The following HBP1 variants were observed in gnomAD, a reference collection of about 807,000 sequenced individuals.
HBP1 encodes HMG box-containing protein 1.
A neutral mutation model predicts 62.6 loss-of-function variants in HBP1; 20 were observed. The ratio of observed to expected loss-of-function variants is 0.32; its 90% confidence interval spans 0.22 to 0.46. The LOEUF is 0.46. HBP1 is among the 20% of genes least tolerant of loss of function. The pLI is 1.00. For synonymous variants in HBP1, 232 were observed against 206.2 expected (o/e 1.12, Z -1.07); for missense variants, 480 against 611.8 (o/e 0.78, Z 2.27).
chr7:107,184,187 A>C (rs1187929292), intron 3 of HBP1, among the ~76,000 whole-genome samples: 2 of 152,226 alleles, frequency 1.3e-5, no homozygotes, highest in Non-Finnish European at 2.9e-5. Context: ...AATGAACAAA[A>C]GGAATATTTA....
At chr7:107,193,896 T>C (rs778462779) in intron 8 of HBP1, among the ~76,000 whole-genome samples, 23 of 152,122 alleles carry the variant, frequency 1.5e-4, no homozygotes, top group South Asian at 2.1e-4. Context: ...GGGATAATAT[T>C]GGAAGGATTA....
At chr7:107,187,426 G>C (rs1273000897) in intron 6 of HBP1, among the ~76,000 whole-genome samples, 1 of 152,136 alleles carries the variant, frequency 6.6e-6, no homozygotes. Flanking sequence ...CTAAGTCGAT[G>C]AGCAAAAGCA....
At chr7:107,179,212 T>C (rs1346190305) in intron 1 of HBP1, among the ~76,000 whole-genome samples, 1 of 149,710 alleles carries the variant, frequency 6.7e-6, no homozygotes, top group Non-Finnish European at 1.5e-5. Flanking sequence ...AATTTCCTTT[T>C]GAATTTGAAG....
chr7:107,184,900 A>G (rs888162295), intron 3 of HBP1, among the ~76,000 whole-genome samples: 1 of 152,162 alleles, frequency 6.6e-6, no homozygotes, highest in Non-Finnish European at 1.5e-5. Context: ...ATCTCAGACA[A>G]TTATCCTGAT....
At chr7:107,176,874 T>C (rs1796876563) in intron 1 of HBP1, among the ~76,000 whole-genome samples, 1 of 152,192 alleles carries the variant, frequency 6.6e-6, no homozygotes, top group African/African-American at 2.4e-5. Flanking sequence ...ATCAGTACAT[T>C]GTACTAAACT....
intron 8 of HBP1, among the ~76,000 whole-genome samples, chr7:107,191,829 T>C (rs896687765): frequency 6.6e-6 from 1 of 152,232 alleles, no homozygotes; most frequent in Non-Finnish European, 1.5e-5. Flanking sequence ...TATATAATTA[T>C]GTCAGGGGTC....
At chr7:107,171,424 A>G (rs557608977) in intron 1 of HBP1, among the ~76,000 whole-genome samples, 50 of 152,188 alleles carry the variant, frequency 3.3e-4, no homozygotes, top group African/African-American at 1.1e-3. Flanking sequence ...TGGCCAGTGA[A>G]GAAGGCATAT....
At chr7:107,169,661 G>T (rs1241994034) in intron 1 of HBP1, 6 of 806,426 alleles carry the variant, frequency 7.4e-6, no homozygotes, top group Admixed American at 6.2e-5. Flanking sequence ...GACTGAGGGG[G>T]ATTCTGGCTG....
At chr7:107,195,688 G>C in intron 8 of HBP1, 146 bp from the exon 9 acceptor site, 1 of 423,480 alleles carries the variant, frequency 2.4e-6, no homozygotes, top group Non-Finnish European at 4.1e-6. Flanking sequence ...AGTGGCAAAA[G>C]TTGTTAGTGT....
intron 8 of HBP1, among the ~76,000 whole-genome samples, chr7:107,194,992 T>C (rs928978086): frequency 3.3e-5 from 5 of 152,254 alleles, no homozygotes; most frequent in African/African-American, 1.2e-4. Flanking sequence ...TATGGCTCTC[T>C]TTACCTAAAC....
At position 107,196,137 on chromosome 7, in the gene HBP1, A is replaced by C; in HGVS notation, c.1371A>C (p.Pro457=). The change falls in exon 9 of 11, where the codon CCA becomes CCC. Residue 457 remains proline (P), a synonymous_variant. Transcript: ENST00000222574. ...KYRVEYTQMY[P]GKDNRAISVI... ...GAGTTGAATATACTCAGATGTATCC[A>C]GGGAAAGATAACAGGTAAAAATAGT... 2 of 1,586,296 alleles carry C rather than the reference A, an allele frequency of 1.3e-6. No homozygotes were observed. Among genetic ancestry groups the C allele is most frequent in the Non-Finnish European group, 1.7e-6 (2 of 1,154,940 alleles).
chr7:107,169,038 A>G lies in HBP1; in HGVS notation c.-163A>G. ...ATGGCGACGGGTTTGGTAAGTAGGA[A>G]AGTTTCGGTTGAGGAGTAAGAGCTG... is the stretch of plus-strand genomic sequence containing the variant. On this transcript the variant is annotated 5_prime_UTR_variant, in exon 1 of 11. Transcript: ENST00000222574. 3 of 1,288,472 alleles carry G rather than the reference A, an allele frequency of 2.3e-6. No individual in the cohort carries two copies. The highest frequency in any genetic ancestry group is 3.0e-6 in the Non-Finnish European group (3 of 988,314). 79.8% of individuals were successfully genotyped at this position (1,288,472 alleles called of 1,614,324 possible). A position where few individuals can be genotyped will look rare whatever the true frequency, so the allele number is the denominator to read the frequency against.
chr7:107,169,247 G>A, intron 1 of HBP1, 62 bp downstream of exon 1: 2 of 889,044 alleles, frequency 2.2e-6, no homozygotes, highest in Non-Finnish European at 2.9e-6. Flanking sequence ...GGAGCGCGGG[G>A]GATTGGGCAG....
At chr7:107,174,796 C>A in intron 1 of HBP1, 1 of 627,620 alleles carries the variant, frequency 1.6e-6, no homozygotes, top group Non-Finnish European at 2.0e-6. Flanking sequence ...GTGCAGCTCA[C>A]ATCTGTATGT....
chr7:107,190,051 A>C, intron 7 of HBP1, 122 bp from the exon 8 acceptor site: 1 of 686,882 alleles, frequency 1.5e-6, no homozygotes, highest in Non-Finnish European at 2.4e-6. Flanking sequence ...GACTTGTGTT[A>C]GAGAATCTCT....
intron 8 of HBP1, among the ~76,000 whole-genome samples, chr7:107,190,850 G>A (rs991527345): frequency 2.6e-5 from 4 of 152,174 alleles, no homozygotes; most frequent in African/African-American, 7.2e-5. Context: ...AGATCACGTT[G>A]CTAGTAAGTG....
At chr7:107,169,633 A>T in intron 1 of HBP1, 1 of 550,136 alleles carries the variant, frequency 1.8e-6, no homozygotes, top group Non-Finnish European at 2.3e-6. Context: ...GACCCCAGTG[A>T]GGCGCCGCCT....
At position 107,196,075 on chromosome 7, in the gene HBP1, C is replaced by T; in HGVS notation, c.1309C>T (p.Pro437Ser). 6.2e-7 allele frequency: 1 copy of T among 1,613,198 alleles called. No homozygotes were observed. Among genetic ancestry groups the T allele is most frequent in the Non-Finnish European group, 8.5e-7 (1 of 1,179,178 alleles). The change falls in exon 9 of 11, where the codon CCA becomes TCA. Residue 437 changes from proline to serine, a missense_variant. Pro to Ser is a moderately conservative substitution (Grantham distance 74). This residue lies in a region of HBP1 where 52 missense variants were observed against 96.0 expected (regional missense o/e 0.54). Transcript: ENST00000222574. ...CACTTCTCCTAATAAGTGCAAAAGA[C>T]CAATGAATGCCTTCATGCTTTTTGC... The part of the protein sequence containing the change: ...SATSPNKCKR[P>S]MNAFMLFAKK...
rs760419608 is a variant in HBP1, at chr7:107,186,451, G to C, written c.631G>C (p.Val211Leu). ...LGWCNSWPST[V>L]WHCFLKGTRL... ...ATGGTGCAATTCCTGGCCTTCAACTGTCTGGCACTGTTTTTTGAAAGGTAA... is the reference window on the plus strand; with the variant it reads ...ATGGTGCAATTCCTGGCCTTCAACTCTCTGGCACTGTTTTTTGAAAGGTAA... Residue 211 changes from valine (V) to leucine (L), a missense_variant, in exon 5 of 11, where the codon GTC (valine) becomes CTC (leucine). By Grantham distance (32) the Val-to-Leu change is conservative. Around this residue, in one of 4 missense-constraint regions of HBP1, gnomAD observed 304 missense variants for 330.9 expected, o/e 0.92. Coordinates refer to ENST00000222574, the MANE Select transcript of HBP1 (RefSeq NM_012257.4). 16 of 1,610,056 alleles carry C rather than the reference G, an allele frequency of 9.9e-6. No homozygotes were observed. The Admixed American group carries it at 2.3e-4, about 24-fold the overall frequency.
Sources: allele counts gnomAD v4.1 joint callset (sites outside exome capture counted in the v4.1 genomes callset), GRCh38; gene constraint gnomAD v4.1.1; regional missense constraint gnomAD v4.1.1; transcripts MANE v1.5; gene names NCBI Gene and HGNC (gene_info 2026-07-23, HGNC 2026-07-21).